Variants in NKAIN2 observed in about 807,000 individuals in gnomAD.
NKAIN2 encodes sodium/potassium transporting ATPase interacting 2, also known as sodium/potassium-transporting ATPase subunit beta-1-interacting protein 2.
NKAIN2 carries 14 observed loss-of-function variants against 32.6 expected under a neutral mutation model. The ratio of observed to expected loss-of-function variants is 0.43; its 90% CI spans 0.28 to 0.67. NKAIN2 has a LOEUF of 0.67. NKAIN2 is among the 30% of genes least tolerant of loss of function. The pLI is 0.17. For missense variants in NKAIN2, 198 were observed against 258.3 expected (o/e 0.77, Z 1.60); for synonymous variants, 80 against 87.2 (o/e 0.92, Z 0.46).
intron 1 of NKAIN2, among the ~76,000 whole-genome samples, chr6:124,028,903 A>AGTTTT (rs199907255): frequency 3.7e-5 from 3 of 81,006 alleles, no homozygotes; most frequent in Admixed American, 1.2e-4. Flanking sequence ...ATATATATAT[A>AGTTTT]CACATATATG....
chr6:123,881,965 G>C (rs531763535), intron 1 of NKAIN2, among the ~76,000 whole-genome samples: 1 of 151,854 alleles, frequency 6.6e-6, no homozygotes, highest in South Asian at 2.1e-4. Flanking sequence ...AAAATAGAAG[G>C]GTGCCGTATC....
intron 4 of NKAIN2, among the ~76,000 whole-genome samples, chr6:124,739,818 T>G (rs1777117595): frequency 6.6e-6 from 1 of 151,880 alleles, no homozygotes; most frequent in Middle Eastern, 3.2e-3. Flanking sequence ...CCTGCTTCCT[T>G]TTATCCTGGA....
intron 2 of NKAIN2, among the ~76,000 whole-genome samples, chr6:124,290,028 C>A (rs766919568): frequency 2.2e-4 from 33 of 149,792 alleles, no homozygotes; most frequent in Non-Finnish European, 3.2e-4. Flanking sequence ...AAGTCTTTTC[C>A]CATAAGCCTG....
chr6:123,934,924 T>C (rs1002976376), intron 1 of NKAIN2, among the ~76,000 whole-genome samples: 2 of 151,476 alleles, frequency 1.3e-5, no homozygotes, highest in Admixed American at 6.6e-5. Flanking sequence ...GTTTGAGTAG[T>C]TTTCCTAAAA....
At chr6:124,474,320 T>C (rs965696741) in intron 3 of NKAIN2, among the ~76,000 whole-genome samples, 1 of 152,088 alleles carries the variant, frequency 6.6e-6, no homozygotes, top group African/African-American at 2.4e-5. Flanking sequence ...TGTAAGAAAT[T>C]GGTCAAAATC....
At chr6:123,924,117 G>T (rs1234731010) in intron 1 of NKAIN2, among the ~76,000 whole-genome samples, 2 of 152,016 alleles carry the variant, frequency 1.3e-5, no homozygotes, top group Non-Finnish European at 2.9e-5. Context: ...TATTGTCAAA[G>T]AATTTTCTAT....
intron 3 of NKAIN2, among the ~76,000 whole-genome samples, chr6:124,465,670 C>T (rs1562202192): frequency 6.6e-6 from 1 of 151,118 alleles, no homozygotes; most frequent in Non-Finnish European, 1.5e-5. Flanking sequence ...CAAGGAACCT[C>T]AATTTCTTTG....
intron 1 of NKAIN2, among the ~76,000 whole-genome samples, chr6:124,214,169 C>T (rs181081267): frequency 4.6e-5 from 7 of 152,144 alleles, no homozygotes; most frequent in Admixed American, 2.0e-4. Flanking sequence ...TAACTAGTTT[C>T]GACATACCAA....
At chr6:124,259,886 C>T (rs1794149763) in intron 1 of NKAIN2, among the ~76,000 whole-genome samples, 1 of 152,056 alleles carries the variant, frequency 6.6e-6, no homozygotes, top group Admixed American at 6.6e-5. Context: ...TGGGGCCATT[C>T]TGTGAATAAG....
chr6:124,781,788 G>T (rs1779277895), intron 4 of NKAIN2, among the ~76,000 whole-genome samples: 1 of 152,082 alleles, frequency 6.6e-6, no homozygotes, highest in Admixed American at 6.6e-5. Flanking sequence ...TGACTCCAAA[G>T]TTATTCAGTC....
At chr6:123,912,518 A>C (rs564627642) in intron 1 of NKAIN2, among the ~76,000 whole-genome samples, 138 of 152,298 alleles carry the variant, frequency 9.1e-4, no homozygotes, top group African/African-American at 3.0e-3. Context: ...GTTCAAATTT[A>C]TCTCTTTTAA....
chr6:124,136,038 G>GA (rs1235267143), intron 1 of NKAIN2, among the ~76,000 whole-genome samples: 1 of 151,094 alleles, frequency 6.6e-6, no homozygotes, highest in Non-Finnish European at 1.5e-5. Context: ...GATCAGAGCA[G>GA]AAAAAAATGA....
chr6:124,293,373 C>T (rs1452361087), intron 2 of NKAIN2, among the ~76,000 whole-genome samples: 1 of 151,586 alleles, frequency 6.6e-6, no homozygotes, highest in African/African-American at 2.4e-5. Context: ...TTTTTGCATC[C>T]TTATTAAAAA....
intron 3 of NKAIN2, among the ~76,000 whole-genome samples, chr6:124,621,704 A>C (rs9321003): frequency 6.6e-6 from 1 of 152,094 alleles, no homozygotes. Context: ...AAAGATTACC[A>C]GTTTGATTGG....
At chr6:123,909,117 A>C (rs1775034336) in intron 1 of NKAIN2, among the ~76,000 whole-genome samples, 1 of 152,076 alleles carries the variant, frequency 6.6e-6, no homozygotes, top group South Asian at 2.1e-4. Flanking sequence ...AAATCTCACT[A>C]CCCTGATTCT....
intron 1 of NKAIN2, among the ~76,000 whole-genome samples, chr6:124,136,720 G>A (rs929275715): frequency 3.3e-5 from 5 of 152,088 alleles, no homozygotes; most frequent in African/African-American, 1.2e-4. Flanking sequence ...GTCAATAAAT[G>A]TGATACATCA....
chr6:123,828,913 T>C (rs9401703), intron 1 of NKAIN2: 59,934 of 151,952 alleles, frequency 0.39, 13,922 homozygotes, highest in Middle Eastern at 0.58. Flanking sequence ...TTACAAGCTA[T>C]CAGAGAGATC....
At chr6:123,932,779 T>TC (rs1294790490) in intron 1 of NKAIN2, among the ~76,000 whole-genome samples, 1 of 151,530 alleles carries the variant, frequency 6.6e-6, no homozygotes, top group Non-Finnish European at 1.5e-5. Context: ...ACTTTTTTTT[T>TC]TTTTTAATTT....
intron 3 of NKAIN2, among the ~76,000 whole-genome samples, chr6:124,641,282 C>T (rs1156918320): frequency 6.6e-6 from 1 of 151,996 alleles, no homozygotes; most frequent in Non-Finnish European, 1.5e-5. Flanking sequence ...TAGCAATACT[C>T]AGAATGCAAA....
Sources: allele counts gnomAD v4.1 joint callset (sites outside exome capture counted in the v4.1 genomes callset), GRCh38; gene constraint gnomAD v4.1.1; transcripts MANE v1.5; gene names NCBI Gene and HGNC (gene_info 2026-07-23, HGNC 2026-07-21).